The following TSNARE1 variants were observed in gnomAD, a reference collection of about 807,000 sequenced individuals.
TSNARE1 encodes t-SNARE domain containing 1, also known as t-SNARE domain-containing protein 1.
Under a neutral mutation model 62.0 loss-of-function variants are expected in TSNARE1, and 49 were observed. The observed-to-expected ratio is 0.79, with a 90% CI of 0.63 to 1.00. The LOEUF is 1.00. Ranked by LOEUF, TSNARE1 falls within the 50% of genes least tolerant of loss-of-function variation. The pLI is 0.00. For synonymous variants in TSNARE1, 328 were observed against 294.4 expected (o/e 1.11, Z -1.17); for missense variants, 755 against 700.1 (o/e 1.08, Z -0.88).
At chr8:142,275,275 G>A (rs1820271510) in intron 11 of TSNARE1, 1 of 985,476 alleles carries the variant, frequency 1.0e-6, no homozygotes, top group African/African-American at 1.7e-5. Context: ...CGTCTGTGGA[G>A]TTGCGACGCG....
chr8:142,391,787 C>G (rs1442087101), intron 1 of TSNARE1, among the ~76,000 whole-genome samples: 4 of 152,246 alleles, frequency 2.6e-5, no homozygotes, highest in Non-Finnish European at 5.9e-5. Context: ...TGTTCGCTCA[C>G]CCACACGCCC....
chr8:142,344,181 C>T lies in TSNARE1; in HGVS notation c.530G>A (p.Cys177Tyr), dbSNP rs1400685442. 1.9e-6 allele frequency: 3 copies of T among 1,613,342 alleles called. No homozygotes were observed. Among genetic ancestry groups the T allele is most frequent in the Non-Finnish European group, 2.5e-6 (3 of 1,179,910 alleles). ...CTTCAGGTCCACAACGTCGCGGCGACAGTAGCCCAGCGCATTCACGGCCTG... is the reference window on the plus strand; with the variant it reads ...CTTCAGGTCCACAACGTCGCGGCGATAGTAGCCCAGCGCATTCACGGCCTG... Reference protein sequence around the residue: ...ILQAVNALGYCRRDVVDLKHK... With the variant: ...ILQAVNALGYYRRDVVDLKHK... The change falls in exon 4 of 14, where the codon TGT (cysteine) becomes TAT (tyrosine). Residue 177 changes from cysteine to tyrosine, a missense_variant. Cys to Tyr is a radical substitution (Grantham distance 194, BLOSUM62 -2). Transcript: ENST00000524325.
chr8:142,361,003 C>T (rs917878059), intron 1 of TSNARE1, among the ~76,000 whole-genome samples: 1 of 152,266 alleles, frequency 6.6e-6, no homozygotes. Flanking sequence ...ATGGGAACAG[C>T]GTTCCCCGGG....
intron 4 of TSNARE1, among the ~76,000 whole-genome samples, chr8:142,336,344 C>T (rs1407557301): frequency 6.8e-6 from 1 of 147,694 alleles, no homozygotes; most frequent in African/African-American, 2.5e-5. Flanking sequence ...AAGAAGCCCA[C>T]TTCATATATA....
intron 11 of TSNARE1, chr8:142,277,434 C>A: frequency 3.0e-6 from 3 of 985,446 alleles, no homozygotes; most frequent in South Asian, 4.7e-5. Flanking sequence ...AGCCCCACAG[C>A]CGTGACCAGC....
intron 12 of TSNARE1, among the ~76,000 whole-genome samples, chr8:142,252,417 C>T (rs73716178): frequency 0.014 from 2,077 of 152,278 alleles, 46 homozygotes; most frequent in African/African-American, 0.046. Flanking sequence ...CTCTTTCCCG[C>T]GTCTGTAAAT....
chr8:142,309,754 C>T (rs1360845254), intron 9 of TSNARE1, among the ~76,000 whole-genome samples: 1 of 152,108 alleles, frequency 6.6e-6, no homozygotes, highest in Non-Finnish European at 1.5e-5. Context: ...GGTACTGGGG[C>T]CTCATGAGGC....
At chr8:142,282,383 C>T (rs532430053) in intron 11 of TSNARE1, among the ~76,000 whole-genome samples, 2 of 152,348 alleles carry the variant, frequency 1.3e-5, no homozygotes, top group South Asian at 4.1e-4. Context: ...GGAGCAGGGA[C>T]CAGCGTCTGT....
intron 7 of TSNARE1, among the ~76,000 whole-genome samples, chr8:142,318,333 C>G (rs1828908537): frequency 6.6e-6 from 1 of 152,312 alleles, no homozygotes; most frequent in East Asian, 1.9e-4. Context: ...ACACCAGCTC[C>G]CGGCACGTGG....
intron 4 of TSNARE1, among the ~76,000 whole-genome samples, chr8:142,333,348 C>T (rs1183670135): frequency 6.6e-6 from 1 of 152,216 alleles, no homozygotes; most frequent in Non-Finnish European, 1.5e-5. Flanking sequence ...ACTCCAGGCT[C>T]GCATTCAGGT....
intron 12 of TSNARE1, among the ~76,000 whole-genome samples, chr8:142,245,416 G>C (rs953646075): frequency 1.3e-5 from 2 of 152,210 alleles, no homozygotes; most frequent in African/African-American, 2.4e-5. Context: ...AACACTCTAC[G>C]CATCCATTGA....
chr8:142,357,978 A>AG lies in TSNARE1; in HGVS notation c.-39-3216dup, dbSNP rs1433147903. Among the ~76,000 whole-genome samples the AG allele has an allele frequency of 2.7e-3, 403 of 148,736 alleles. 9 individuals are homozygous for AG. Among genetic ancestry groups the AG allele is most frequent in the African/African-American group, 9.5e-3 (373 of 39,396 alleles). Reference sequence around the variant, plus strand: ...GCGGGGTCTGCTGGGTTTCAGGACAAGGGGAGCAGCCAGCGGCCATCACTG... The same window carrying AG: ...GCGGGGTCTGCTGGGTTTCAGGACAAGGGGGAGCAGCCAGCGGCCATCACTG... On this transcript the variant is annotated intron_variant, in intron 1 of 13. Transcript: ENST00000524325.
chr8:142,353,591 C>T (rs954550501), intron 2 of TSNARE1, among the ~76,000 whole-genome samples: 12 of 152,218 alleles, frequency 7.9e-5, no homozygotes, highest in Admixed American at 7.8e-4. Context: ...GCCGCCCTCT[C>T]GAGCACATGC....
At chr8:142,279,054 C>G (rs1012681699) in intron 11 of TSNARE1, among the ~76,000 whole-genome samples, 4 of 152,236 alleles carry the variant, frequency 2.6e-5, no homozygotes, top group Non-Finnish European at 5.9e-5. Flanking sequence ...CTCATGGTAG[C>G]TGTACGCTGG....
chr8:142,303,072 G>A (rs952210087), intron 9 of TSNARE1, among the ~76,000 whole-genome samples: 4 of 152,182 alleles, frequency 2.6e-5, no homozygotes, highest in African/African-American at 9.7e-5. Flanking sequence ...GGGCAGCCTG[G>A]CTCACAGGAC....
At chr8:142,278,446 A>G in intron 11 of TSNARE1, 1 of 985,430 alleles carries the variant, frequency 1.0e-6, no homozygotes, top group African/African-American at 1.7e-5. Context: ...TTCGTTCCCA[A>G]AGTCCTTCCA....
chr8:142,389,945 C>G (rs1837367063), intron 1 of TSNARE1, among the ~76,000 whole-genome samples: 1 of 152,234 alleles, frequency 6.6e-6, no homozygotes. Flanking sequence ...CAATACACAC[C>G]CAGGCCATGT....
At chr8:142,262,956 T>C (rs1049492562) in intron 12 of TSNARE1, among the ~76,000 whole-genome samples, 1 of 152,248 alleles carries the variant, frequency 6.6e-6, no homozygotes, top group Non-Finnish European at 1.5e-5. Context: ...GACGAGCCAC[T>C]TCACAAACTC....
chr8:142,304,971 A>G (rs536654086), intron 9 of TSNARE1, among the ~76,000 whole-genome samples: 1 of 152,286 alleles, frequency 6.6e-6, no homozygotes, highest in South Asian at 2.1e-4. Flanking sequence ...CCCCAGGTAA[A>G]CATAACAAAC....
Sources: allele counts gnomAD v4.1 joint callset (sites outside exome capture counted in the v4.1 genomes callset), GRCh38; gene constraint gnomAD v4.1.1; transcripts MANE v1.5; gene names NCBI Gene and HGNC (gene_info 2026-07-23, HGNC 2026-07-21).